CNTNAP2: variants seen among roughly 807,000 people sequenced by gnomAD.
The protein encoded by CNTNAP2 is contactin associated protein 2.
In CNTNAP2, 98 loss-of-function variants were observed where a neutral mutation model predicts 155.2. The ratio of observed to expected loss-of-function variants is 0.63; its 90% CI spans 0.54 to 0.75. The LOEUF (loss-of-function observed/expected upper bound fraction) is 0.75. CNTNAP2 is among the 30% of genes least tolerant of loss of function. CNTNAP2 has a pLI of 0.00. For synonymous variants in CNTNAP2, 651 were observed against 631.2 expected, an observed-to-expected ratio of 1.03 and a Z score of -0.47; for missense variants, 1,727 against 1,688.1, an observed-to-expected ratio of 1.02 and a Z score of -0.40.
At chr7:146,581,050 A>G (rs892767558) in intron 1 of CNTNAP2, among the ~76,000 whole-genome samples, 8 of 152,252 alleles carry the variant, frequency 5.3e-5, no homozygotes, top group Non-Finnish European at 1.2e-4. Context: ...ATGAAGGCTA[A>G]AATTCTGGGT....
intron 1 of CNTNAP2, among the ~76,000 whole-genome samples, chr7:146,152,282 A>G (rs1247289045): frequency 6.6e-6 from 1 of 152,102 alleles, no homozygotes; most frequent in Non-Finnish European, 1.5e-5. Flanking sequence ...CAATCACTGC[A>G]TTATCTCACT....
intron 1 of CNTNAP2, among the ~76,000 whole-genome samples, chr7:146,227,111 A>C (rs1480243408): frequency 6.6e-6 from 1 of 152,104 alleles, no homozygotes; most frequent in Non-Finnish European, 1.5e-5. Context: ...ATATTAAGAG[A>C]GGAATGATGA....
At chr7:146,450,013 G>A (rs567487168) in intron 1 of CNTNAP2, among the ~76,000 whole-genome samples, 10 of 152,180 alleles carry the variant, frequency 6.6e-5, no homozygotes, top group South Asian at 2.1e-4. Flanking sequence ...TGTCATTCCC[G>A]TGTTCCTCAG....
chr7:146,522,437 C>T (rs929301647), intron 1 of CNTNAP2, among the ~76,000 whole-genome samples: 3 of 152,026 alleles, frequency 2.0e-5, no homozygotes, highest in African/African-American at 7.2e-5. Context: ...TTATTTGGCA[C>T]ATAGGACTAG....
chr7:147,564,273 T>C (rs1021846462), intron 12 of CNTNAP2, among the ~76,000 whole-genome samples: 1 of 152,168 alleles, frequency 6.6e-6, no homozygotes, highest in African/African-American at 2.4e-5. Context: ...AGTTTAATTT[T>C]TTTTTCTATT....
intron 14 of CNTNAP2, among the ~76,000 whole-genome samples, chr7:147,926,715 T>C (rs1283543046): frequency 6.6e-6 from 1 of 152,032 alleles, no homozygotes; most frequent in Admixed American, 6.6e-5. Context: ...AACGGGAAAG[T>C]AAAAAAGATT....
intron 1 of CNTNAP2, among the ~76,000 whole-genome samples, chr7:146,559,980 AT>A (rs1180961856): frequency 3.9e-5 from 6 of 152,174 alleles, no homozygotes; most frequent in African/African-American, 9.6e-5. Flanking sequence ...AATTTTAGCC[AT>A]TTTTTCTGTA....
chr7:146,354,038 T>C (rs1202381287), intron 1 of CNTNAP2, among the ~76,000 whole-genome samples: 3 of 152,190 alleles, frequency 2.0e-5, no homozygotes, highest in Non-Finnish European at 4.4e-5. Flanking sequence ...TTGAGGAAAC[T>C]ATTAGTAAGA....
intron 8 of CNTNAP2, among the ~76,000 whole-genome samples, chr7:147,282,177 C>T (rs1011480716): frequency 6.6e-6 from 1 of 151,890 alleles, no homozygotes; most frequent in Non-Finnish European, 1.5e-5. Context: ...GGCATGAAAC[C>T]TTAGTACAAC....
chr7:146,413,821 C>T (rs1795899941), intron 1 of CNTNAP2, among the ~76,000 whole-genome samples: 1 of 152,102 alleles, frequency 6.6e-6, no homozygotes, highest in South Asian at 2.1e-4. Flanking sequence ...GCACTTTTTA[C>T]CTATATTTTT....
At chr7:147,414,057 C>A (rs1375580440) in intron 10 of CNTNAP2, among the ~76,000 whole-genome samples, 1 of 152,138 alleles carries the variant, frequency 6.6e-6, no homozygotes, top group Admixed American at 6.5e-5. Flanking sequence ...CACCTGTTAT[C>A]TTTGGAGTGT....
At chr7:146,439,271 T>C (rs559017768) in intron 1 of CNTNAP2, among the ~76,000 whole-genome samples, 2 of 151,748 alleles carry the variant, frequency 1.3e-5, no homozygotes, top group East Asian at 3.9e-4. Context: ...ATGTTTTCTC[T>C]CATATAGTAT....
intron 1 of CNTNAP2, among the ~76,000 whole-genome samples, chr7:146,497,651 AAAG>A (rs1797238516): frequency 6.6e-6 from 1 of 151,850 alleles, no homozygotes; most frequent in African/African-American, 2.4e-5. Context: ...GTCAGAATTA[AAAG>A]AAGAGGTCTT....
chr7:146,768,161 T>A (rs1420913164), intron 1 of CNTNAP2, among the ~76,000 whole-genome samples: 2 of 151,600 alleles, frequency 1.3e-5, no homozygotes, highest in Non-Finnish European at 2.9e-5. Flanking sequence ...ACATCAGGAG[T>A]AATTTAAGAA....
At chr7:146,908,483 C>G (rs1258565489) in intron 3 of CNTNAP2, among the ~76,000 whole-genome samples, 1 of 138,060 alleles carries the variant, frequency 7.2e-6, no homozygotes, top group South Asian at 2.5e-4. Context: ...AACTAGAACT[C>G]AGGATTAAGA....
intron 13 of CNTNAP2, among the ~76,000 whole-genome samples, chr7:147,702,698 T>C (rs996099111): frequency 1.3e-5 from 2 of 151,892 alleles, no homozygotes; most frequent in African/African-American, 4.8e-5. Context: ...AAGTGCTTCA[T>C]CTCTCTTGTC....
At chr7:146,308,545 A>G (rs1421769630) in intron 1 of CNTNAP2, among the ~76,000 whole-genome samples, 3 of 152,168 alleles carry the variant, frequency 2.0e-5, no homozygotes, top group African/African-American at 7.2e-5. Context: ...TTATTGCGGC[A>G]CTATTCACAA....
chr7:146,607,037 A>G (rs780610728), intron 1 of CNTNAP2, among the ~76,000 whole-genome samples: 54 of 152,234 alleles, frequency 3.5e-4, no homozygotes, highest in Non-Finnish European at 5.6e-4. Context: ...ACACAATACT[A>G]TTTATCTTAT....
At chr7:148,329,878 G>T (rs1465592266) in intron 21 of CNTNAP2, among the ~76,000 whole-genome samples, 1 of 152,202 alleles carries the variant, frequency 6.6e-6, no homozygotes, top group Non-Finnish European at 1.5e-5. Context: ...CCGGGCCAGG[G>T]CCTGCCCCAG....
Sources: allele counts gnomAD v4.1 joint callset (sites outside exome capture counted in the v4.1 genomes callset), GRCh38; gene constraint gnomAD v4.1.1; transcripts MANE v1.5; gene names NCBI Gene and HGNC (gene_info 2026-07-23, HGNC 2026-07-21).